ARHGAP20: variants seen among roughly 807,000 people sequenced by gnomAD.
ARHGAP20 encodes the protein Rho GTPase activating protein 20.
In ARHGAP20, 34 loss-of-function variants were observed where a neutral mutation model predicts 73.7. The observed-to-expected ratio is 0.46, with a 90% CI of 0.35 to 0.61. ARHGAP20 has a LOEUF of 0.61. ARHGAP20 is among the 20% of genes least tolerant of loss of function. The pLI is 0.00. For missense variants in ARHGAP20, 1,314 were observed against 1,420.9 expected (o/e 0.92, Z 1.21); for synonymous variants, 523 against 518.2 (o/e 1.01, Z -0.13).
rs761746855 is a variant in ARHGAP20 at position 110,580,666 on chromosome 11, ACT to A, written c.2278_2279del (p.Ser760PhefsTer6). The A allele has an allele frequency of 6.2e-7, 1 of 1,614,074 alleles. No individual in the cohort carries two copies. The highest frequency in any genetic ancestry group is 2.2e-5 in the East Asian group (1 of 44,884). ...TGCTGACATCAGTGCCTGTGACTAA[ACT>A]CTGTTTAAAACATGTCTTTCCTTCC... ...QEEGKTCFKQ[S>X]LVTGTDVSKK... On this transcript the variant is annotated frameshift_variant, in exon 15 of 15. Transcript: ENST00000683387. LOFTEE classifies it low-confidence loss of function (END_TRUNC).
intron 4 of ARHGAP20, 92 bp downstream of exon 4, chr11:110,624,070 G>A (rs1948684140): frequency 4.9e-6 from 7 of 1,440,836 alleles, no homozygotes; most frequent in Non-Finnish European, 6.5e-6. Flanking sequence ...AAAAATTAGA[G>A]GAACAACATT....
intron 2 of ARHGAP20, among the ~76,000 whole-genome samples, chr11:110,660,051 TA>T (rs751022458): frequency 8.7e-5 from 6 of 69,116 alleles, no homozygotes; most frequent in Non-Finnish European, 1.4e-4. Context: ...ACTTAAAGTA[TA>T]ATAAAAAACA....
chr11:110,586,468 T>C (rs999587351), intron 11 of ARHGAP20, 143 bp from the exon 12 acceptor site: 1 of 418,954 alleles, frequency 2.4e-6, no homozygotes, highest in East Asian at 3.6e-5. Context: ...CAACTCTCCA[T>C]TGACTTGGGG....
intron 2 of ARHGAP20, among the ~76,000 whole-genome samples, chr11:110,679,431 A>G (rs1427143153): frequency 6.6e-6 from 1 of 152,170 alleles, no homozygotes; most frequent in Non-Finnish European, 1.5e-5. Flanking sequence ...ACATGATAAC[A>G]AGTAGACCAG....
intron 2 of ARHGAP20, among the ~76,000 whole-genome samples, chr11:110,643,076 C>T (rs537213284): frequency 6.6e-6 from 1 of 152,110 alleles, no homozygotes; most frequent in Non-Finnish European, 1.5e-5. Context: ...TAGAGCTGTT[C>T]ATAATAGTCT....
chr11:110,664,739 A>G (rs867879291), intron 2 of ARHGAP20, among the ~76,000 whole-genome samples: 4 of 149,256 alleles, frequency 2.7e-5, no homozygotes, highest in African/African-American at 1.0e-4. Context: ...AAAAAAAAAA[A>G]AAAAAAGAAA....
In ARHGAP20 at chr11:110,652,621, G is replaced by T. The variant is rs138217239; in HGVS notation, c.189-21829C>A. On this transcript the variant is annotated intron_variant, in intron 2 of 14. Transcript: ENST00000683387. ...ACAAGCAGAGAGCCAAATCATGAAT[G>T]AACTTCCATTCACAATCGCTACAAA... Among the ~76,000 whole-genome samples, 288 of 152,144 alleles carry T rather than the reference G, an allele frequency of 1.9e-3. 1 individual carries two copies. Among genetic ancestry groups the T allele is most frequent in the African/African-American group, 6.6e-3 (275 of 41,496 alleles).
intron 2 of ARHGAP20, among the ~76,000 whole-genome samples, chr11:110,633,530 T>A (rs1948902067): frequency 6.6e-6 from 1 of 152,222 alleles, no homozygotes; most frequent in Non-Finnish European, 1.5e-5. Flanking sequence ...GTTTTTTGAC[T>A]CACCATTTTT....
At chr11:110,584,586 G>A (rs1947570757) in intron 12 of ARHGAP20, among the ~76,000 whole-genome samples, 3 of 151,966 alleles carry the variant, frequency 2.0e-5, no homozygotes. Context: ...AAAGATTACT[G>A]GGTGTATTCA....
At chr11:110,699,377 C>T (rs1306461312) in intron 1 of ARHGAP20, among the ~76,000 whole-genome samples, 1 of 151,860 alleles carries the variant, frequency 6.6e-6, no homozygotes, top group African/African-American at 2.4e-5. Context: ...AATGTATATT[C>T]TGTGGTCGGC....
intron 1 of ARHGAP20, chr11:110,711,633 C>CCAGCGCCG (rs1173520208): frequency 1.3e-6 from 2 of 1,483,016 alleles, no homozygotes; most frequent in African/African-American, 2.9e-5. Flanking sequence ...GCCGAGCCCA[C>CCAGCGCCG]CAGCGCCGCA....
chr11:110,674,374 T>C (rs1187410219), intron 2 of ARHGAP20, among the ~76,000 whole-genome samples: 1 of 152,184 alleles, frequency 6.6e-6, no homozygotes, highest in Non-Finnish European at 1.5e-5. Flanking sequence ...TTAATACAGG[T>C]TGAGCATCCC....
intron 6 of ARHGAP20, among the ~76,000 whole-genome samples, chr11:110,613,849 G>C (rs1436560275): frequency 6.6e-6 from 1 of 152,076 alleles, no homozygotes; most frequent in Non-Finnish European, 1.5e-5. Flanking sequence ...ACTATTCTGT[G>C]TGATCTAGAG....
intron 2 of ARHGAP20, among the ~76,000 whole-genome samples, chr11:110,675,656 C>T (rs59602437): frequency 0.023 from 3,524 of 152,202 alleles, 125 homozygotes; most frequent in African/African-American, 0.073. Context: ...GTAGGTAATA[C>T]TTGCTTGCCT....
At chr11:110,664,258 C>T (rs981324735) in intron 2 of ARHGAP20, among the ~76,000 whole-genome samples, 1 of 152,102 alleles carries the variant, frequency 6.6e-6, no homozygotes, top group African/African-American at 2.4e-5. Flanking sequence ...TCACAGATGA[C>T]ATGGTAGTCT....
intron 2 of ARHGAP20, among the ~76,000 whole-genome samples, chr11:110,632,394 C>T (rs1948877966): frequency 1.3e-5 from 2 of 151,952 alleles, no homozygotes; most frequent in Non-Finnish European, 2.9e-5. Context: ...GTACAGTAGC[C>T]TTTAATTAGG....
At chr11:110,604,035 A>AT (rs1948166974) in intron 9 of ARHGAP20, among the ~76,000 whole-genome samples, 1 of 152,140 alleles carries the variant, frequency 6.6e-6, no homozygotes. Flanking sequence ...AATTGTTGTT[A>AT]TATTTTGAAT....
At position 110,698,959 on chromosome 11, in the gene ARHGAP20, G is replaced by A. The variant is rs145820381; in HGVS notation, c.106-8330C>T. 1.3e-3 allele frequency among the ~76,000 whole-genome samples: 189 copies of A among 151,090 alleles called. 1 individual carries two copies. The highest frequency in any genetic ancestry group is 4.2e-3 in the African/African-American group (172 of 41,262). On this transcript the variant is annotated intron_variant, in intron 1 of 14. Coordinates refer to ENST00000683387, the MANE Select transcript of ARHGAP20 (RefSeq NM_001384657.1). ...TTATTTCTTTTTTTGTGCTAGCTTT[G>A]GGTTCCAATTGGTCTTATTTTTCTA...
chr11:110,634,584 G>A (rs1174272622), intron 2 of ARHGAP20, among the ~76,000 whole-genome samples: 1 of 152,118 alleles, frequency 6.6e-6, no homozygotes, highest in East Asian at 1.9e-4. Flanking sequence ...TAATGACTTG[G>A]GTGGAGTGCT....
Sources: allele counts gnomAD v4.1 joint callset (sites outside exome capture counted in the v4.1 genomes callset), GRCh38; gene constraint gnomAD v4.1.1; transcripts MANE v1.5; gene names NCBI Gene and HGNC (gene_info 2026-07-23, HGNC 2026-07-21).